The following MATR3 variants were observed in gnomAD, a reference collection of about 807,000 sequenced individuals.
The protein encoded by MATR3 is matrin-3.
In MATR3, 4 loss-of-function variants were observed where a neutral mutation model predicts 85.5. That is an observed-to-expected ratio of 0.05 (90% CI 0.02 to 0.11). MATR3 has a LOEUF of 0.11. Ranked by LOEUF, MATR3 falls within the 10% of genes least tolerant of loss-of-function variation. The probability of loss-of-function intolerance (pLI) is 1.00; values close to 1 mark genes in which losing one functional copy is unlikely to be tolerated. For synonymous variants in MATR3, 336 were observed against 343.1 expected (o/e 0.98, Z 0.23); for missense variants, 685 against 1,016.1 (o/e 0.67, Z 4.43).
At chr5:139,326,034 T>C (rs1755837338) in intron 13 of MATR3, 129 bp from the exon 14 acceptor site, 1 of 874,424 alleles carries the variant, frequency 1.1e-6, no homozygotes, top group South Asian at 1.7e-5. Flanking sequence ...GGTTTTTGTT[T>C]TTTATCTTAG....
At position 139,308,203 on chromosome 5, in the gene MATR3, G is replaced by T. The variant is rs1554146558; in HGVS notation, c.788G>T (p.Arg263Ile). 1.9e-6 allele frequency: 3 copies of T among 1,614,116 alleles called. No individual in the cohort carries two copies. ...MGRGPGPLQE[R>I]SLFEKKRGAP... The stretch of plus-strand genomic sequence containing the variant: ...CGTGGTCCTGGCCCCTTACAAGAGA[G>T]ATCTCTCTTTGAGAAAAAGAGAGGC... Residue 263 changes from arginine to isoleucine, a missense_variant, in exon 2 of 15, where the codon AGA becomes ATA. Around this residue, in one of 9 missense-constraint regions of MATR3, gnomAD observed 223 missense variants for 334.4 expected, o/e 0.67. Coordinates refer to ENST00000394805, the MANE Select transcript of MATR3 (RefSeq NM_018834.6).
Position 139,309,957 on chromosome 5 carries a change from T to C in MATR3, c.912+1630T>C, listed in dbSNP as rs1002576934. The C allele has an allele frequency of 2.0e-5, 3 of 152,296 alleles. No homozygotes were observed. The East Asian group carries it at 5.8e-4, about 29-fold the overall frequency. 9.4% of individuals were successfully genotyped at this position (152,296 alleles called of 1,614,324 possible). A position where few individuals can be genotyped will look rare whatever the true frequency, so the allele number is the denominator to read the frequency against. On this transcript the variant is annotated intron_variant, in intron 2 of 14. Transcript: ENST00000394805. ...TCTAAATTCTGAGGAAAATAGATAG[T>C]TACAAGTGTCTCAAATGAGAGTGAT...
intron 10 of MATR3, 71 bp downstream of exon 10, chr5:139,322,100 A>T: frequency 6.6e-7 from 1 of 1,516,540 alleles, no homozygotes; most frequent in South Asian, 1.1e-5. Flanking sequence ...CATTCTTTTA[A>T]ACATTTTTGT....
chr5:139,321,854 G>A lies in MATR3; in HGVS notation c.1603-44G>A, dbSNP rs202152239. ...ACATAATAAGGTTTTATACAATTTT[G>A]TAAAATATAATGTGCTTTGTGGTTT... is the stretch of plus-strand genomic sequence containing the variant. On this transcript the variant is annotated intron_variant, in intron 9 of 14. Coordinates refer to ENST00000394805, the MANE Select transcript of MATR3 (RefSeq NM_018834.6). The A allele has an allele frequency of 5.0e-6, 8 of 1,597,566 alleles. No individual in the cohort carries two copies. In the East Asian group the frequency reaches 1.1e-4, roughly 22 times the overall value.
At chr5:139,292,642 G>A (rs1490498328), upstream of MATR3, among the ~76,000 whole-genome samples, 1 of 152,176 alleles carries the variant, frequency 6.6e-6, no homozygotes. Flanking sequence ...GCGGTCCTCC[G>A]CCTCAACGAC....
At chr5:139,286,640 T>C (rs971297355) in intron 3 of MATR3, among the ~76,000 whole-genome samples, 1 of 150,604 alleles carries the variant, frequency 6.6e-6, no homozygotes, top group Non-Finnish European at 1.5e-5. Flanking sequence ...AGGTCAGGAG[T>C]ACAAGACCAG....
intron 12 of MATR3, among the ~76,000 whole-genome samples, chr5:139,324,975 A>T (rs1755771346): frequency 6.6e-6 from 1 of 151,972 alleles, no homozygotes. Context: ...GTGGATCACG[A>T]GGTCAGGAGA....
At chr5:139,296,532 A>G (rs2151927997) in intron 1 of MATR3, among the ~76,000 whole-genome samples, 1 of 152,358 alleles carries the variant, frequency 6.6e-6, no homozygotes, top group Non-Finnish European at 1.5e-5. Flanking sequence ...AAATACTGTA[A>G]CTGCTTAAAA....
Position 139,307,371 on chromosome 5 carries a change from A to AT in MATR3, c.-45_-44insT. 1 of 1,574,362 alleles carries AT rather than the reference A, an allele frequency of 6.4e-7. No individual in the cohort carries two copies. Among genetic ancestry groups the AT allele is most frequent in the Non-Finnish European group, 8.6e-7 (1 of 1,167,304 alleles). ...CTTTCTTTTTGGCCGTCTTTAAAAA[A>AT]ATTTTTTTTTTTAATCTATAAAATA... On this transcript the variant is annotated 5_prime_UTR_variant, in exon 2 of 15. Coordinates refer to ENST00000394805, the MANE Select transcript of MATR3 (RefSeq NM_018834.6). This position sits in a 1 kb window ranked among gnomAD's most constrained non-coding sequence, Gnocchi z 4.4.
chr5:139,312,151 T>C (rs889374598), intron 2 of MATR3: 10 of 152,212 alleles, frequency 6.6e-5, no homozygotes, highest in Admixed American at 1.3e-4. Context: ...TTTTATGTTT[T>C]TGAGAAAGGG....
At position 139,322,450 on chromosome 5, in the gene MATR3, T is replaced by C; in HGVS notation, c.1735-13T>C. The C allele has an allele frequency of 1.2e-6, 2 of 1,600,320 alleles. No homozygotes were observed. The highest frequency in any genetic ancestry group is 1.7e-6 in the Non-Finnish European group (2 of 1,167,800). Reference sequence around the variant, plus strand: ...GCAAATGTGTTAACTTCTGCAAAACTTTTGTCTTTTAGATTCCAAACAGAG... The same window carrying C: ...GCAAATGTGTTAACTTCTGCAAAACCTTTGTCTTTTAGATTCCAAACAGAG... On this transcript the variant is annotated splice_polypyrimidine_tract_variant and intron_variant, in intron 10 of 14. Transcript: ENST00000394805.
intron 3 of MATR3, among the ~76,000 whole-genome samples, chr5:139,288,680 G>A (rs904430551): frequency 7.2e-5 from 11 of 151,794 alleles, no homozygotes; most frequent in Non-Finnish European, 1.0e-4. Context: ...TCACTCTGTC[G>A]CCCAGGCTGG....
Position 139,331,079 on chromosome 5 carries a change from C to T in MATR3, c.*1684C>T. ...GTGCTGGGACTGTAGGCATGAGCCACCATCCCTGGCCAAGAAACAAAGTTT... is the reference window on the plus strand; with the variant it reads ...GTGCTGGGACTGTAGGCATGAGCCATCATCCCTGGCCAAGAAACAAAGTTT... On this transcript the variant is annotated 3_prime_UTR_variant, in exon 15 of 15. Coordinates refer to ENST00000394805, the MANE Select transcript of MATR3 (RefSeq NM_018834.6). The T allele has an allele frequency of 2.2e-6, 1 of 453,942 alleles. No individual in the cohort carries two copies. Among genetic ancestry groups the T allele is most frequent in the Non-Finnish European group, 4.4e-6 (1 of 226,728 alleles). 28.1% of individuals were successfully genotyped at this position (453,942 alleles called of 1,614,324 possible). A position where few individuals can be genotyped will look rare whatever the true frequency, so the allele number is the denominator to read the frequency against.
Position 139,287,336 on chromosome 5 carries a change from G to A in MATR3, c.-178+8207G>A, listed in dbSNP as rs532340854. On this transcript the variant is annotated intron_variant, in intron 3 of 16. Transcript: ENST00000509990. The stretch of plus-strand genomic sequence containing the variant: ...TTCTGGCATTGAAAGTTTCATTACA[G>A]GGCTGGGAGAGGAGGCTCACGCCTG... Among the ~76,000 whole-genome samples, 7 of 152,192 alleles carry A rather than the reference G, an allele frequency of 4.6e-5. No individual in the cohort carries two copies. The South Asian group carries it at 1.5e-3, about 32-fold the overall frequency.
At chr5:139,326,632 C>A (rs948344381) in intron 14 of MATR3, among the ~76,000 whole-genome samples, 2 of 151,972 alleles carry the variant, frequency 1.3e-5, no homozygotes, top group Non-Finnish European at 2.9e-5. Context: ...TGTTGGCTAG[C>A]CTGGCTGGTC....
At chr5:139,319,148 TC>T in intron 8 of MATR3, 115 bp downstream of exon 8, 1 of 1,342,692 alleles carries the variant, frequency 7.4e-7, no homozygotes, top group Non-Finnish European at 1.1e-6. Context: ...ACGCCTGTAA[TC>T]CCAGCACCTT....
intron 1 of MATR3, among the ~76,000 whole-genome samples, chr5:139,298,396 A>T (rs1378050400): frequency 6.6e-6 from 1 of 151,904 alleles, no homozygotes. Context: ...CATACGGAAA[A>T]CCCCGTCTCT....
intron 7 of MATR3, 41 bp from the exon 8 acceptor site, chr5:139,318,867 G>T (rs1267051743): frequency 6.2e-7 from 1 of 1,609,686 alleles, no homozygotes; most frequent in Non-Finnish European, 8.5e-7. Flanking sequence ...TGAGAAAGCT[G>T]ATTGGAAAAA....
intron 1 of MATR3, among the ~76,000 whole-genome samples, chr5:139,302,319 C>G (rs1176084610): frequency 6.6e-6 from 1 of 152,064 alleles, no homozygotes; most frequent in Non-Finnish European, 1.5e-5. Context: ...GAGATTGTGA[C>G]ACTCAAAAAC....
Sources: allele counts gnomAD v4.1 joint callset (sites outside exome capture counted in the v4.1 genomes callset), GRCh38; gene constraint gnomAD v4.1.1; regional missense constraint gnomAD v4.1.1; non-coding constraint Gnocchi (gnomAD v3.1); transcripts MANE v1.5; gene names NCBI Gene and HGNC (gene_info 2026-07-23, HGNC 2026-07-21).